Variants in SUCO observed in about 807,000 individuals in gnomAD.
SUCO encodes SUN domain-containing ossification factor.
In SUCO, 57 loss-of-function variants were observed where a neutral mutation model predicts 148.1. That is an observed-to-expected ratio of 0.38 (90% CI 0.31 to 0.48). The LOEUF (loss-of-function observed/expected upper bound fraction) is 0.48, where lower values mean the gene tolerates loss of function less well. Ranked by LOEUF, SUCO falls within the 20% of genes least tolerant of loss-of-function variation. The pLI is 0.96. For synonymous variants in SUCO, 470 were observed against 502.7 expected, an observed-to-expected ratio of 0.93 and a Z score of 0.87; for missense variants, 1,331 against 1,468.2, an observed-to-expected ratio of 0.91 and a Z score of 1.53.
At chr1:172,559,801 T>C (rs185835804) in intron 6 of SUCO, among the ~76,000 whole-genome samples, 1 of 152,304 alleles carries the variant, frequency 6.6e-6, no homozygotes, top group East Asian at 1.9e-4. Flanking sequence ...CAGGTGTTGC[T>C]GTGGCAGTGG....
chr1:172,593,798 T>G (rs1006581056), intron 19 of SUCO, among the ~76,000 whole-genome samples: 1 of 152,220 alleles, frequency 6.6e-6, no homozygotes, highest in Non-Finnish European at 1.5e-5. Flanking sequence ...ATAAAATGAG[T>G]TAGGGAGGAT....
chr1:172,609,504 TA>T, intron 23 of SUCO: 1 of 927,556 alleles, frequency 1.1e-6, no homozygotes, highest in Non-Finnish European at 1.3e-6. Flanking sequence ...ATAGCTGCCA[TA>T]ATACATGAAA....
intron 14 of SUCO, 65 bp from the exon 15 acceptor site, chr1:172,579,137 C>A: frequency 1.1e-6 from 1 of 890,718 alleles, no homozygotes; most frequent in South Asian, 1.5e-5. Flanking sequence ...ATAATTTGAG[C>A]TTTTAAATAT....
chr1:172,557,412 T>A lies in SUCO; in HGVS notation c.576T>A (p.Pro192=), dbSNP rs1653830229. The A allele has an allele frequency of 6.2e-7, 1 of 1,613,838 alleles. No homozygotes were observed. The highest frequency in any genetic ancestry group is 8.5e-7 in the Non-Finnish European group (1 of 1,179,864). Residue 192 remains proline (P), a synonymous_variant, in exon 5 of 24, where the codon CCT becomes CCA. Coordinates refer to ENST00000263688, the MANE Select transcript of SUCO (RefSeq NM_014283.5). ...PIEQPSFVSP[P]DSLVGQHIEN... is the part of the protein sequence containing the mutation. ...AACAACCTTCCTTTGTCAGTCCACC[T>A]GACAGGTGGGTAGGAGCAGTTGTTT...
At chr1:172,545,878 T>C (rs1652813563) in intron 1 of SUCO, among the ~76,000 whole-genome samples, 1 of 152,204 alleles carries the variant, frequency 6.6e-6, no homozygotes, top group Non-Finnish European at 1.5e-5. Flanking sequence ...CTGGCCTGCC[T>C]GCCTTCCGTC....
intron 1 of SUCO, among the ~76,000 whole-genome samples, chr1:172,543,851 C>A (rs59521518): frequency 0.011 from 1,596 of 151,950 alleles, 28 homozygotes; most frequent in African/African-American, 0.036. Context: ...AGCAGATAGA[C>A]CAAGCAGAAG....
rs921615576 is a variant in SUCO at position 172,610,898 on chromosome 1, A to G, written c.*639A>G. The G allele has an allele frequency of 6.6e-6, 1 of 152,452 alleles. No homozygotes were observed. Among genetic ancestry groups the G allele is most frequent in the Admixed American group, 6.6e-5 (1 of 15,254 alleles). 9.4% of individuals were successfully genotyped at this position (152,452 alleles called of 1,614,324 possible). On this transcript the variant is annotated 3_prime_UTR_variant, in exon 24 of 24. Transcript: ENST00000263688. ...AGATGGTGATGCTCTTGTTATTTTC[A>G]CTTATTCAGACTGGATTACTTCTTA...
At chr1:172,559,411 T>G (rs1202367909) in intron 6 of SUCO, among the ~76,000 whole-genome samples, 1 of 152,202 alleles carries the variant, frequency 6.6e-6, no homozygotes, top group Non-Finnish European at 1.5e-5. Context: ...GTTTATTTTC[T>G]CAATGTATCT....
At chr1:172,592,356 C>T (rs1010397840) in intron 19 of SUCO, among the ~76,000 whole-genome samples, 12 of 152,152 alleles carry the variant, frequency 7.9e-5, no homozygotes, top group Admixed American at 6.5e-4. Context: ...TTGCCTATGC[C>T]TATGTGCTGA....
chr1:172,591,868 A>G (rs565846364), intron 19 of SUCO, among the ~76,000 whole-genome samples: 90 of 152,290 alleles, frequency 5.9e-4, no homozygotes, highest in African/African-American at 1.9e-3. Context: ...GTCTTCCACC[A>G]TGGTTGAACT....
chr1:172,576,632 TC>T (rs1655461052), intron 11 of SUCO, among the ~76,000 whole-genome samples: 1 of 151,678 alleles, frequency 6.6e-6, no homozygotes, highest in African/African-American at 2.4e-5. Context: ...ACGTTAAAAA[TC>T]ATTTGCTAGG....
intron 19 of SUCO, among the ~76,000 whole-genome samples, chr1:172,595,096 C>T (rs1056909302): frequency 2.6e-5 from 4 of 152,082 alleles, no homozygotes; most frequent in Non-Finnish European, 2.9e-5. Context: ...TCAGAGACTA[C>T]GATTGTAACC....
rs116505975 is a variant in SUCO at position 172,585,957 on chromosome 1, T to C, written c.1658+9T>C. 3.2e-6 allele frequency: 5 copies of C among 1,541,422 alleles called. 1 individual carries two copies. Among genetic ancestry groups the C allele is most frequent in the Non-Finnish European group, 4.4e-6 (5 of 1,129,764 alleles). On this transcript the variant is annotated intron_variant, in intron 17 of 23. Coordinates refer to ENST00000263688, the MANE Select transcript of SUCO (RefSeq NM_014283.5). ...CCTGTTCCATCTCCTGAGTAAGTTA[T>C]AATGTGATATTAAATAGAATTTTGT...
At position 172,585,097 on chromosome 1, in the gene SUCO, A is replaced by G. The variant is rs1318933268; in HGVS notation, c.1567+11A>G. The stretch of plus-strand genomic sequence containing the variant: ...AAGACCTGACAGAAGGTACCTAATC[A>G]TTTTATGGGTCTTTTAAATAGCTGG... On this transcript the variant is annotated intron_variant, in intron 16 of 23. Coordinates refer to ENST00000263688, the MANE Select transcript of SUCO (RefSeq NM_014283.5). 2 of 1,583,846 alleles carry G rather than the reference A, an allele frequency of 1.3e-6. No individual in the cohort carries two copies. The highest frequency in any genetic ancestry group is 1.7e-6 in the Non-Finnish European group (2 of 1,161,052).
intron 1 of SUCO, among the ~76,000 whole-genome samples, chr1:172,541,114 C>T (rs1454664008): frequency 6.6e-6 from 1 of 151,882 alleles, no homozygotes; most frequent in Non-Finnish European, 1.5e-5. Context: ...ATAAAAATAA[C>T]AATACAACAA....
Position 172,557,316 on chromosome 1 carries a change from A to T in SUCO, c.480A>T (p.Lys160Asn). 6.2e-7 allele frequency: 1 copy of T among 1,613,984 alleles called. No individual in the cohort carries two copies. Among genetic ancestry groups the T allele is most frequent in the Non-Finnish European group, 8.5e-7 (1 of 1,179,876 alleles). ...IEKSGTIPIA[K>N]PSETEQSETD... The stretch of plus-strand genomic sequence containing the variant: ...AATCTGGTACTATTCCGATAGCCAA[A>T]CCAAGTGAAACTGAGCAGTCTGAAA... The change falls in exon 5 of 24, where the codon AAA (lysine) becomes AAT (asparagine). Residue 160 changes from lysine to asparagine, a missense_variant. Lys to Asn is a moderately conservative substitution (Grantham distance 94, BLOSUM62 0). Transcript: ENST00000263688.
Position 172,610,158 on chromosome 1 carries a change from A to G in SUCO, c.3664A>G (p.Thr1222Ala). Residue 1222 changes from threonine (T) to alanine (A), a missense_variant, in exon 24 of 24, where the codon ACT becomes GCT. Thr to Ala is a moderately conservative substitution (Grantham distance 58, BLOSUM62 0). This residue lies in a region of SUCO where 334 missense variants were observed against 352.3 expected (regional missense o/e 0.95). Coordinates refer to ENST00000263688, the MANE Select transcript of SUCO (RefSeq NM_014283.5). ...QGKLIKTLIQ[T>A]KSGSLPSLHD... ...AAAATTGATAAAAACTCTAATACAGACTAAGTCGGGATCATTGCCGAGCCT... is the reference window on the plus strand; with the variant it reads ...AAAATTGATAAAAACTCTAATACAGGCTAAGTCGGGATCATTGCCGAGCCT... 3.7e-6 allele frequency: 6 copies of G among 1,613,620 alleles called. No homozygotes were observed. Among genetic ancestry groups the G allele is most frequent in the Non-Finnish European group, 5.1e-6 (6 of 1,179,822 alleles).
chr1:172,591,803 G>A (rs149250355), intron 19 of SUCO, among the ~76,000 whole-genome samples: 1,551 of 152,210 alleles, frequency 0.01, 10 homozygotes, highest in Non-Finnish European at 0.016. Context: ...CCAGTAATGG[G>A]ATTGCTGGGT....
chr1:172,559,220 C>A (rs1424272974), intron 6 of SUCO, among the ~76,000 whole-genome samples: 1 of 152,124 alleles, frequency 6.6e-6, no homozygotes, highest in East Asian at 1.9e-4. Context: ...TGTTTATAGA[C>A]AGTGCATTAC....
Sources: allele counts gnomAD v4.1 joint callset (sites outside exome capture counted in the v4.1 genomes callset), GRCh38; gene constraint gnomAD v4.1.1; regional missense constraint gnomAD v4.1.1; transcripts MANE v1.5; gene names NCBI Gene and HGNC (gene_info 2026-07-23, HGNC 2026-07-21).